The following MALRD1 variants were observed in gnomAD, a reference collection of about 807,000 sequenced individuals.
MALRD1 encodes MAM and LDL receptor class A domain containing 1.
Under a neutral mutation model 242.1 loss-of-function variants are expected in MALRD1, and 247 were observed. That is an observed-to-expected ratio of 1.02 (90% CI 0.92 to 1.13). The LOEUF is 1.13. Ranked by LOEUF, MALRD1 falls within the 50% of genes most tolerant of loss-of-function variation. The pLI, the probability that MALRD1 is intolerant of heterozygous loss-of-function variation, is 0.00. For synonymous variants in MALRD1, 995 were observed against 866.6 expected, an observed-to-expected ratio of 1.15 and a Z score of -2.60; for missense variants, 2,989 against 2,533.1, an observed-to-expected ratio of 1.18 and a Z score of -3.86.
At chr10:19,235,892 A>C (rs559927718) in intron 18 of MALRD1, among the ~76,000 whole-genome samples, 17 of 152,110 alleles carry the variant, frequency 1.1e-4, no homozygotes, top group Admixed American at 5.9e-4. Flanking sequence ...TCTATGGGAC[A>C]TCGAAGTGGA....
chr10:19,409,815 A>G (rs953794303), intron 28 of MALRD1, among the ~76,000 whole-genome samples: 3 of 152,302 alleles, frequency 2.0e-5, no homozygotes, highest in Non-Finnish European at 4.4e-5. Flanking sequence ...AGTTTCATTT[A>G]GCTTTTATAT....
intron 38 of MALRD1, among the ~76,000 whole-genome samples, chr10:19,715,475 G>A (rs755553281): frequency 1.4e-4 from 21 of 152,016 alleles, no homozygotes; most frequent in Non-Finnish European, 2.5e-4. Context: ...TATCACATTT[G>A]TTGAAGAAAG....
rs569438397 is a variant in MALRD1 at position 19,733,523 on chromosome 10, G to C, written c.6391-634G>C. Among the ~76,000 whole-genome samples the C allele has an allele frequency of 4.6e-5, 7 of 151,976 alleles. No homozygotes were observed. The East Asian group carries it at 1.4e-3, about 29-fold the overall frequency. On this transcript the variant is annotated intron_variant, in intron 39 of 39. Transcript: ENST00000454679. ...TTAAAACCTAAAAGGTTTTCTTTTG[G>C]GGTTTTGTGTTGTTGCTATATTTTA... is the stretch of plus-strand genomic sequence containing the variant.
chr10:19,109,812 C>T (rs973508213), intron 5 of MALRD1, among the ~76,000 whole-genome samples: 2 of 152,184 alleles, frequency 1.3e-5, no homozygotes, highest in Non-Finnish European at 2.9e-5. Context: ...AATGTGCGCT[C>T]CTTCTTTGGA....
Position 19,347,813 on chromosome 10 carries a change from C to G in MALRD1, c.3944C>G (p.Ser1315Cys), listed in dbSNP as rs776268207. ...GRCDFEFDLC[S>C]WKQEKDEDFD... ...TGTGATTTCGAATTTGATCTTTGTT[C>G]CTGGAAGCAGGAGAAAGATGAGGAC... is the stretch of plus-strand genomic sequence containing the variant. The change falls in exon 25 of 40, where the codon TCC (serine) becomes TGC (cysteine). Residue 1315 changes from serine to cysteine, a missense_variant. Transcript: ENST00000454679. 3.9e-6 allele frequency: 6 copies of G among 1,550,426 alleles called. No homozygotes were observed. In the South Asian group the frequency reaches 7.1e-5, roughly 18 times the overall value.
intron 28 of MALRD1, among the ~76,000 whole-genome samples, chr10:19,432,747 C>T (rs1834189006): frequency 6.6e-6 from 1 of 152,162 alleles, no homozygotes; most frequent in South Asian, 2.1e-4. Flanking sequence ...AAGGCTTCTC[C>T]AAAGTGATAT....
intron 32 of MALRD1, among the ~76,000 whole-genome samples, chr10:19,542,936 C>A (rs1218903753): frequency 6.6e-6 from 1 of 152,088 alleles, no homozygotes; most frequent in Non-Finnish European, 1.5e-5. Flanking sequence ...GGAATTACAA[C>A]TTTTATCAAC....
chr10:19,094,626 TCTTTC>T (rs1039986087), intron 4 of MALRD1, among the ~76,000 whole-genome samples: 2 of 152,170 alleles, frequency 1.3e-5, no homozygotes, highest in Non-Finnish European at 2.9e-5. Flanking sequence ...CCCAACTTCC[TCTTTC>T]CTTTCATTTC....
At chr10:19,729,592 C>CGTGTGT (rs113756414) in intron 38 of MALRD1, among the ~76,000 whole-genome samples, 8 of 144,232 alleles carry the variant, frequency 5.5e-5, no homozygotes, top group Admixed American at 2.8e-4. Flanking sequence ...AGGATCCTTT[C>CGTGTGT]GTGTGTGTGT....
At chr10:19,052,574 C>G (rs2131201244) in intron 1 of MALRD1, among the ~76,000 whole-genome samples, 1 of 152,302 alleles carries the variant, frequency 6.6e-6, no homozygotes, top group East Asian at 1.9e-4. Context: ...GCCTTCTTCC[C>G]TTACCCTCCT....
At chr10:19,528,904 A>AC (rs1272611891) in intron 31 of MALRD1, among the ~76,000 whole-genome samples, 63 of 152,262 alleles carry the variant, frequency 4.1e-4, no homozygotes, top group African/African-American at 1.4e-3. Flanking sequence ...ATCGTAACTT[A>AC]CCTGGGCAAG....
chr10:19,552,138 AT>A (rs989006544), intron 32 of MALRD1, among the ~76,000 whole-genome samples: 2 of 151,924 alleles, frequency 1.3e-5, no homozygotes, highest in African/African-American at 2.4e-5. Flanking sequence ...CTCCTTTTCA[AT>A]TTTTTTGTAT....
At chr10:19,129,571 G>T (rs1204232579) in intron 8 of MALRD1, among the ~76,000 whole-genome samples, 1 of 151,928 alleles carries the variant, frequency 6.6e-6, no homozygotes, top group Non-Finnish European at 1.5e-5. Flanking sequence ...CCCCAAAGAG[G>T]TGGGGCTGAA....
rs193073694 is a variant in MALRD1, at chr10:19,666,715, G to A, written c.6138-25567G>A. On this transcript the variant is annotated intron_variant, in intron 36 of 39. Coordinates refer to ENST00000454679, the MANE Select transcript of MALRD1 (RefSeq NM_001142308.3). Reference sequence around the variant, plus strand: ...CTGCATTAGAGCAGCTAAAGTAGATGGAGAAAATTTTAAATGCTGGTAGGT... The same window carrying A: ...CTGCATTAGAGCAGCTAAAGTAGATAGAGAAAATTTTAAATGCTGGTAGGT... Among the ~76,000 whole-genome samples the A allele has an allele frequency of 4.7e-3, 722 of 152,264 alleles. 3 individuals carry two copies. The highest frequency in any genetic ancestry group is 8.3e-3 in the Non-Finnish European group (566 of 68,020).
chr10:19,073,837 GA>G (rs1404682932), intron 2 of MALRD1, among the ~76,000 whole-genome samples: 1 of 152,060 alleles, frequency 6.6e-6, no homozygotes, highest in Non-Finnish European at 1.5e-5. Context: ...CTTATTGGAA[GA>G]AAGAAAAGGG....
chr10:19,542,027 T>C (rs1357008959), intron 32 of MALRD1, among the ~76,000 whole-genome samples: 1 of 152,182 alleles, frequency 6.6e-6, no homozygotes, highest in East Asian at 1.9e-4. Flanking sequence ...ATAGACTTTC[T>C]TTTCACAATA....
intron 2 of MALRD1, among the ~76,000 whole-genome samples, chr10:19,070,665 G>A (rs1473382515): frequency 1.3e-5 from 2 of 151,854 alleles, no homozygotes; most frequent in African/African-American, 4.8e-5. Flanking sequence ...ACCTGCTGCT[G>A]ATTAAATTTT....
chr10:19,401,394 A>T (rs1017290405), intron 28 of MALRD1, among the ~76,000 whole-genome samples: 4 of 152,206 alleles, frequency 2.6e-5, no homozygotes, highest in African/African-American at 9.6e-5. Flanking sequence ...TATGTACCAA[A>T]TTATATATGG....
intron 20 of MALRD1, among the ~76,000 whole-genome samples, chr10:19,281,485 G>C (rs998740550): frequency 6.6e-6 from 1 of 152,162 alleles, no homozygotes; most frequent in African/African-American, 2.4e-5. Context: ...TGTCCTAAAT[G>C]AGTGCCTACT....
Sources: allele counts gnomAD v4.1 joint callset (sites outside exome capture counted in the v4.1 genomes callset), GRCh38; gene constraint gnomAD v4.1.1; transcripts MANE v1.5; gene names NCBI Gene and HGNC (gene_info 2026-07-23, HGNC 2026-07-21).